PLCB2: variants seen among roughly 807,000 people sequenced by gnomAD.
PLCB2 encodes the protein 1-phosphatidylinositol 4,5-bisphosphate phosphodiesterase beta-2.
Under a neutral mutation model 141.7 loss-of-function variants are expected in PLCB2, and 115 were observed. The ratio of observed to expected loss-of-function variants is 0.81; its 90% confidence interval spans 0.70 to 0.95. PLCB2 has a LOEUF of 0.95. PLCB2 is among the 40% of genes least tolerant of loss of function. The pLI is 0.00. For missense variants in PLCB2, 1,403 were observed against 1,541.1 expected (o/e 0.91, Z 1.50); for synonymous variants, 603 against 595.6 (o/e 1.01, Z -0.18).
At chr15:40,302,093 T>C (rs1272954633) in intron 6 of PLCB2, 43 bp downstream of exon 6, 5 of 1,613,146 alleles carry the variant, frequency 3.1e-6, no homozygotes, top group Non-Finnish European at 3.4e-6. Context: ...AAGAAAGGCT[T>C]TGGGGAGCCC....
At chr15:40,289,548 G>A (rs372937143) in intron 30 of PLCB2, 190 bp from the exon 31 acceptor site, 1 of 597,222 alleles carries the variant, frequency 1.7e-6, no homozygotes, top group Middle Eastern at 3.9e-4. Flanking sequence ...ATACAAGACA[G>A]CTCATGTGAG....
At chr15:40,284,844 A>T (rs2039588361), downstream of PLCB2, among the ~76,000 whole-genome samples, 1 of 88,002 alleles carries the variant, frequency 1.1e-5, no homozygotes, top group African/African-American at 3.0e-5. Context: ...GTCAAAAAAA[A>T]AAAAAAAAAA....
chr15:40,307,699 T>G lies in PLCB2; in HGVS notation c.-27A>C. ...GTGCCAAGCGTTCCTCTTTGCAGAATCTCAGCAGACACAGGCAGGCAGAAG... is the reference window on the plus strand; with the variant it reads ...GTGCCAAGCGTTCCTCTTTGCAGAAGCTCAGCAGACACAGGCAGGCAGAAG... On this transcript the variant is annotated 5_prime_UTR_variant, in exon 1 of 32. Transcript: ENST00000260402. 2 of 1,540,612 alleles carry G rather than the reference T, an allele frequency of 1.3e-6. No homozygotes were observed. Among genetic ancestry groups the G allele is most frequent in the African/African-American group, 1.4e-5 (1 of 71,998 alleles).
Position 40,288,132 on chromosome 15 carries a change from G to T in PLCB2, c.*583C>A, listed in dbSNP as rs1042302278. 3.0e-6 allele frequency: 3 copies of T among 985,418 alleles called. No individual in the cohort carries two copies. In the African/African-American group the frequency reaches 5.2e-5, roughly 17 times the overall value. 61.0% of individuals were successfully genotyped at this position (985,418 alleles called of 1,614,324 possible). ...TGTGACTCAGCCAAGCAGGGCCAAG[G>T]CAGCTTTTCCATTTCAGCCTCCCGT... On this transcript the variant is annotated 3_prime_UTR_variant, in exon 32 of 32. Transcript: ENST00000260402.
Position 40,297,534 on chromosome 15 carries a change from A to G in PLCB2, c.1310T>C (p.Leu437Pro), listed in dbSNP as rs754706611. ...IFGDMLLTEP[L>P]EKFPLKPGVP... Reference sequence around the variant, plus strand: ...AAGCCCACTCACTGGGAACTTTTCCAGGGGCTCTGTGAGCAGCATATCCCC... The same window carrying G: ...AAGCCCACTCACTGGGAACTTTTCCGGGGGCTCTGTGAGCAGCATATCCCC... Residue 437 changes from leucine (L) to proline (P), a missense_variant, in exon 13 of 32, where the codon CTG becomes CCG. Coordinates refer to ENST00000260402, the MANE Select transcript of PLCB2 (RefSeq NM_004573.3). This position sits in a 1 kb window ranked among gnomAD's most constrained non-coding sequence, Gnocchi z 4.2. 1 of 1,613,690 alleles carries G rather than the reference A, an allele frequency of 6.2e-7. No homozygotes were observed. Among genetic ancestry groups the G allele is most frequent in the Non-Finnish European group, 8.5e-7 (1 of 1,179,604 alleles).
In PLCB2 at chr15:40,292,945, G is replaced by A. The variant is rs1282476473; in HGVS notation, c.2307C>T (p.Pro769=). ...CCTTACCAGAATTTAGGGCATTGAT[G>A]GGGATGATGCGGTGTCCAAGAAACT... ...GNKFLGHRII[P]INALNSGYHH... is the part of the protein sequence containing the mutation. Residue 769 remains proline (P), a synonymous_variant, in exon 21 of 32, where the codon CCC becomes CCT. Transcript: ENST00000260402. 6.2e-7 allele frequency: 1 copy of A among 1,605,332 alleles called. No individual in the cohort carries two copies. Among genetic ancestry groups the A allele is most frequent in the East Asian group, 2.3e-5 (1 of 44,354 alleles).
intron 30 of PLCB2, 177 bp from the exon 31 acceptor site, chr15:40,289,535 A>G: frequency 1.6e-6 from 1 of 615,760 alleles, no homozygotes; most frequent in Non-Finnish European, 2.9e-6. Context: ...ACTGTAAAAG[A>G]TTATACAAGA....
At chr15:40,290,241 G>A (rs770755399) in intron 29 of PLCB2, among the ~76,000 whole-genome samples, 159 bp from the exon 30 acceptor site, 1 of 152,056 alleles carries the variant, frequency 6.6e-6, no homozygotes, top group Non-Finnish European at 1.5e-5. Flanking sequence ...AGGGGCCACT[G>A]GGAGTCCTGG....
Position 40,297,897 on chromosome 15 carries a change from C to T in PLCB2, c.1218G>A (p.Ser406=), listed in dbSNP as rs61755437. The stretch of plus-strand genomic sequence containing the variant: ...CGCACGAGTCCACATGGTTCTCAAA[C>T]GACAGGATGATGGGATAGGGGGAGG... ...FKTSPYPIIL[S]FENHVDSPRQ... The change falls in exon 12 of 32, where the codon TCG becomes TCA. Residue 406 remains serine (S), a synonymous_variant. Transcript: ENST00000260402. This position sits in a 1 kb window ranked among gnomAD's most constrained non-coding sequence, Gnocchi z 4.2. 6.1e-5 allele frequency: 98 copies of T among 1,613,432 alleles called. No homozygotes were observed. The highest frequency in any genetic ancestry group is 3.3e-4 in the Middle Eastern group (2 of 6,080).
chr15:40,287,863 C>A, downstream of PLCB2: 1 of 935,352 alleles, frequency 1.1e-6, no homozygotes, highest in Non-Finnish European at 1.3e-6. Context: ...CACTACCCTG[C>A]CCCCATTTTC....
chr15:40,290,152 C>T (rs1320443432), intron 29 of PLCB2, 70 bp from the exon 30 acceptor site: 6 of 981,496 alleles, frequency 6.1e-6, no homozygotes, highest in African/African-American at 4.8e-5. Flanking sequence ...ATGAAGTCTA[C>T]GCAGGATGTA....
chr15:40,288,845 C>T lies in PLCB2; in HGVS notation c.3428G>A (p.Arg1143Lys). The T allele has an allele frequency of 6.2e-7, 1 of 1,614,092 alleles. No homozygotes were observed. The highest frequency in any genetic ancestry group is 8.5e-7 in the Non-Finnish European group (1 of 1,180,002). ...GLEAEVKESV[R>K]ACLRTCFPSE... ...GGGAAAGCAGGTCCTGAGGCAGGCC[C>T]TCACCGACTCCTTCACCTCTGCCTC... is the stretch of plus-strand genomic sequence containing the variant. The change falls in exon 32 of 32, where the codon AGG becomes AAG. Residue 1143 changes from arginine to lysine, a missense_variant. Arg to Lys is a conservative substitution (Grantham distance 26). This residue lies in a region of PLCB2 where 132 missense variants were observed against 132.4 expected (regional missense o/e 1.00). Transcript: ENST00000260402.
chr15:40,298,840 G>C lies in PLCB2; in HGVS notation c.808C>G (p.Leu270Val). 1 of 1,613,796 alleles carries C rather than the reference G, an allele frequency of 6.2e-7. No homozygotes were observed. Among genetic ancestry groups the C allele is most frequent in the Non-Finnish European group, 8.5e-7 (1 of 1,180,004 alleles). Residue 270 changes from leucine (L) to valine (V), a missense_variant, in exon 9 of 32, where the codon CTC becomes GTC. Leu to Val is a conservative substitution (Grantham distance 32). This residue lies in a region of PLCB2 where 975 missense variants were observed against 1,141.1 expected (regional missense o/e 0.85). Coordinates refer to ENST00000260402, the MANE Select transcript of PLCB2 (RefSeq NM_004573.3). ...PPARPDQVQG[L>V]IDKYEPSGIN... Reference sequence around the variant, plus strand: ...CCACTGGGCTCATACTTGTCGATGAGGCCCTGCACCTGGTCAGGCCGTGCT... The same window carrying C: ...CCACTGGGCTCATACTTGTCGATGACGCCCTGCACCTGGTCAGGCCGTGCT...
At chr15:40,294,201 G>A in intron 19 of PLCB2, 65 bp downstream of exon 19, 2 of 1,497,842 alleles carry the variant, frequency 1.3e-6, no homozygotes, top group Non-Finnish European at 1.8e-6. Context: ...AGTGAGGGGT[G>A]GGCTCCTGTG....
chr15:40,291,367 A>G lies in PLCB2; in HGVS notation c.2768T>C (p.Leu923Pro). 6.6e-7 allele frequency: 1 copy of G among 1,525,834 alleles called. No individual in the cohort carries two copies. The highest frequency in any genetic ancestry group is 8.7e-7 in the Non-Finnish European group (1 of 1,142,954). 94.5% of individuals were successfully genotyped at this position (1,525,834 alleles called of 1,614,324 possible). Reference protein sequence around the residue: ...ERRGARRWEELLQRGAAQLAE... With the variant: ...ERRGARRWEEPLQRGAAQLAE... Reference sequence around the variant, plus strand: ...CAGCTGCGCCGCGCCCCGCTGCAGCAGCTCCTCCCAGCGCCGCGCTCCGCG... The same window carrying G: ...CAGCTGCGCCGCGCCCCGCTGCAGCGGCTCCTCCCAGCGCCGCGCTCCGCG... Residue 923 changes from leucine to proline, a missense_variant, in exon 26 of 32, where the codon CTG becomes CCG. Transcript: ENST00000260402.
chr15:40,294,772 G>A (rs1253408079), intron 18 of PLCB2, among the ~76,000 whole-genome samples, 164 bp downstream of exon 18: 1 of 152,198 alleles, frequency 6.6e-6, no homozygotes, highest in South Asian at 2.1e-4. Context: ...CATGGGCACA[G>A]GCTAATGCAT....
chr15:40,298,763 G>A (rs1297337107), intron 9 of PLCB2, 35 bp downstream of exon 9: 1 of 1,611,236 alleles, frequency 6.2e-7, no homozygotes, highest in East Asian at 2.2e-5. Flanking sequence ...GGCAGGACAG[G>A]ACCACAGGGG....
chr15:40,289,104 A>T lies in PLCB2; in HGVS notation c.3354+168T>A. ...CCTCTCAGGAAAGGGGATCCTAACC[A>T]GGCGGAGATCTGCAGAGCTGCCTCA... On this transcript the variant is annotated intron_variant, in intron 31 of 31. Transcript: ENST00000260402. 8 of 1,036,778 alleles carry T rather than the reference A, an allele frequency of 7.7e-6. No homozygotes were observed. The South Asian group carries it at 1.3e-4, about 17-fold the overall frequency. 64.2% of individuals were successfully genotyped at this position (1,036,778 alleles called of 1,614,324 possible).
At chr15:40,296,449 G>A in intron 15 of PLCB2, 57 bp from the exon 16 acceptor site, 10 of 1,613,170 alleles carry the variant, frequency 6.2e-6, no homozygotes, top group Non-Finnish European at 8.5e-6. Flanking sequence ...CCAGGAATGG[G>A]GCCCAAGGCC....
Sources: allele counts gnomAD v4.1 joint callset (sites outside exome capture counted in the v4.1 genomes callset), GRCh38; gene constraint gnomAD v4.1.1; regional missense constraint gnomAD v4.1.1; non-coding constraint Gnocchi (gnomAD v3.1); transcripts MANE v1.5; gene names NCBI Gene and HGNC (gene_info 2026-07-23, HGNC 2026-07-21).